GALNT9: variants seen among roughly 807,000 people sequenced by gnomAD.
The protein encoded by GALNT9 is GalNAc transferase 9.
In GALNT9, 47 loss-of-function variants were observed where a neutral mutation model predicts 63.1. That is an observed-to-expected ratio of 0.75 (90% confidence interval 0.59 to 0.95). GALNT9 has a LOEUF of 0.95. GALNT9 is among the 40% of genes least tolerant of loss of function. GALNT9 has a pLI of 0.00. For synonymous variants in GALNT9, 396 were observed against 365.7 expected (o/e 1.08, Z -0.94); for missense variants, 829 against 874.8 (o/e 0.95, Z 0.66).
Position 132,260,954 on chromosome 12 carries a change from G to T in GALNT9, c.755C>A (p.Thr252Lys). 1 of 1,543,288 alleles carries T rather than the reference G, an allele frequency of 6.5e-7. No homozygotes were observed. The highest frequency in any genetic ancestry group is 8.7e-7 in the Non-Finnish European group (1 of 1,144,318). The change falls in exon 4 of 11, where the codon ACG becomes AAG. Residue 252 changes from threonine to lysine, a missense_variant. By Grantham distance (78) the Thr-to-Lys change is moderately conservative. Transcript: ENST00000328957. ...AGCCTGTTCCGGCCCTTACCAGCCCGTGTTGAACTCGACGTGGGCATCAAA... is the reference window on the plus strand; with the variant it reads ...AGCCTGTTCCGGCCCTTACCAGCCCTTGTTGAACTCGACGTGGGCATCAAA... Reference protein sequence around the residue: ...GFFDAHVEFNTGWAEPALSRI... With the variant: ...GFFDAHVEFNKGWAEPALSRI...
At chr12:132,210,232 G>A (rs933037297) in intron 6 of GALNT9, among the ~76,000 whole-genome samples, 10 of 152,252 alleles carry the variant, frequency 6.6e-5, no homozygotes, top group Middle Eastern at 3.2e-3. Context: ...CCTGCTGCGC[G>A]TGGGCGTTGG....
chr12:132,246,638 T>G lies in GALNT9; in HGVS notation c.1077+1272A>C, dbSNP rs1878715388. Among the ~76,000 whole-genome samples the G allele has an allele frequency of 6.6e-6, 1 of 152,238 alleles. No homozygotes were observed. Among genetic ancestry groups the G allele is most frequent in the African/African-American group, 2.4e-5 (1 of 41,464 alleles). ...ATTTCCGCCTCCTGGGTTCAAGTGA[T>G]TCTCCTGCCTCAGCCTCCTGAGTAG... On this transcript the variant is annotated intron_variant, in intron 6 of 10. Coordinates refer to ENST00000328957, the MANE Select transcript of GALNT9 (RefSeq NM_001122636.2). The surrounding 1 kb of genome is among the most constrained non-coding windows in gnomAD (Gnocchi z 4.7).
intron 1 of GALNT9, among the ~76,000 whole-genome samples, chr12:132,291,981 A>G (rs61943951): frequency 0.3 from 45,155 of 151,844 alleles, 7,824 homozygotes; most frequent in African/African-American, 0.5. Context: ...ATCCTCACTC[A>G]CAGTATGCCA....
At chr12:132,240,509 C>T (rs1463128841) in intron 6 of GALNT9, 2 of 424,114 alleles carry the variant, frequency 4.7e-6, no homozygotes, top group African/African-American at 4.2e-5. Context: ...GCACTCACTC[C>T]AGTCGCTGGC....
intron 1 of GALNT9, among the ~76,000 whole-genome samples, chr12:132,323,663 G>A (rs74963571): frequency 6.6e-6 from 1 of 152,224 alleles, no homozygotes; most frequent in Non-Finnish European, 1.5e-5. Context: ...CCCAGCGGAC[G>A]TCAGAAAACC....
chr12:132,249,921 C>T (rs1878844357), intron 5 of GALNT9, among the ~76,000 whole-genome samples: 1 of 152,202 alleles, frequency 6.6e-6, no homozygotes, highest in African/African-American at 2.4e-5. Context: ...AGGGTGGAGG[C>T]CCCAGGTCCT....
At chr12:132,248,180 G>A (rs1245259034) in intron 5 of GALNT9, among the ~76,000 whole-genome samples, 153 bp from the exon 6 acceptor site, 1 of 152,212 alleles carries the variant, frequency 6.6e-6, no homozygotes, top group African/African-American at 2.4e-5. Flanking sequence ...AAGGTGAGGG[G>A]CCGCTGCTCC....
chr12:132,328,831 C>T, intron 1 of GALNT9, 135 bp downstream of exon 1: 1 of 1,127,256 alleles, frequency 8.9e-7, no homozygotes, highest in Non-Finnish European at 1.2e-6. Flanking sequence ...GCCCTTCCCT[C>T]TCCTCTCTCC....
intron 1 of GALNT9, among the ~76,000 whole-genome samples, chr12:132,299,318 C>T (rs1426494430): frequency 7.1e-6 from 1 of 141,632 alleles, no homozygotes; most frequent in Non-Finnish European, 1.5e-5. Context: ...CTAACCCATC[C>T]CTGAGATAAC....
At chr12:132,199,100 C>T in intron 9 of GALNT9, 74 bp downstream of exon 9, 1 of 991,548 alleles carries the variant, frequency 1.0e-6, no homozygotes, top group Non-Finnish European at 1.6e-6. Flanking sequence ...CGTGCCTCTG[C>T]CCCAGGGTGT....
intron 1 of GALNT9, among the ~76,000 whole-genome samples, chr12:132,313,801 CCCATCCACCCATCCACCCACCCAG>C (rs1487942594): frequency 8.5e-6 from 1 of 117,204 alleles, no homozygotes; most frequent in Non-Finnish European, 1.7e-5. Flanking sequence ...CATCCACCCA[CCCATCCACCCATCCACCCACCCAG>C]CCACCCACCC....
chr12:132,209,289 G>A (rs1337281246), intron 6 of GALNT9, among the ~76,000 whole-genome samples: 1 of 152,140 alleles, frequency 6.6e-6, no homozygotes, highest in Non-Finnish European at 1.5e-5. Context: ...CAGTTTGGGA[G>A]GCTGAGGTGG....
At chr12:132,287,436 G>A (rs1555242320) in intron 1 of GALNT9, among the ~76,000 whole-genome samples, 1 of 152,210 alleles carries the variant, frequency 6.6e-6, no homozygotes, top group Non-Finnish European at 1.5e-5. Flanking sequence ...ATCCGCCTGT[G>A]TAACTTGAGC....
intron 5 of GALNT9, among the ~76,000 whole-genome samples, chr12:132,255,614 A>G (rs187589308): frequency 5.3e-5 from 8 of 152,338 alleles, no homozygotes; most frequent in Admixed American, 2.6e-4. Flanking sequence ...TCTTTAGATA[A>G]TAACTTAACT....
At chr12:132,260,442 C>T (rs1879332367) in intron 4 of GALNT9, among the ~76,000 whole-genome samples, 1 of 152,214 alleles carries the variant, frequency 6.6e-6, no homozygotes, top group South Asian at 2.1e-4. Context: ...ACCCCCTCAG[C>T]CCAGAAGCTC....
intron 1 of GALNT9, among the ~76,000 whole-genome samples, chr12:132,320,921 G>T (rs185546457): frequency 1.3e-5 from 2 of 152,316 alleles, no homozygotes; most frequent in East Asian, 3.9e-4. Flanking sequence ...TGCAGGGGTC[G>T]TGTGACCGGC....
rs544101030 is a variant in GALNT9, at chr12:132,245,396, C to G, written c.1077+2514G>C. Among the ~76,000 whole-genome samples, 1 of 152,074 alleles carries G rather than the reference C, an allele frequency of 6.6e-6. No individual in the cohort carries two copies. The highest frequency in any genetic ancestry group is 1.5e-5 in the Non-Finnish European group (1 of 68,006). On this transcript the variant is annotated intron_variant, in intron 6 of 10. Coordinates refer to ENST00000328957, the MANE Select transcript of GALNT9 (RefSeq NM_001122636.2). The surrounding 1 kb of genome is among the most constrained non-coding windows in gnomAD (Gnocchi z 6.3). ...GGTGGAGGTTGCAGTGAGCAGAGAT[C>G]GTGCCACTGCACTCCAGCCTGGGCA...
rs1878103520 is a variant in GALNT9 at position 132,238,997 on chromosome 12, C to T, written c.1077+8913G>A. ...CTGGAAGGCTTTGTCGTCTGATGGC[C>T]GCTCGAAAGGTGAGACTGTTCAGCA... On this transcript the variant is annotated intron_variant, in intron 6 of 10. Coordinates refer to ENST00000328957, the MANE Select transcript of GALNT9 (RefSeq NM_001122636.2). This position sits in a 1 kb window ranked among gnomAD's most constrained non-coding sequence, Gnocchi z 6.5. Among the ~76,000 whole-genome samples the T allele has an allele frequency of 6.6e-6, 1 of 152,114 alleles. No homozygotes were observed. Among genetic ancestry groups the T allele is most frequent in the Non-Finnish European group, 1.5e-5 (1 of 68,030 alleles).
chr12:132,250,159 C>T (rs949519110), intron 5 of GALNT9, among the ~76,000 whole-genome samples: 1 of 152,168 alleles, frequency 6.6e-6, no homozygotes, highest in South Asian at 2.1e-4. Flanking sequence ...ACCCTGGAAA[C>T]GTGGCACCGA....
Sources: allele counts gnomAD v4.1 joint callset (sites outside exome capture counted in the v4.1 genomes callset), GRCh38; gene constraint gnomAD v4.1.1; non-coding constraint Gnocchi (gnomAD v3.1); transcripts MANE v1.5; gene names NCBI Gene and HGNC (gene_info 2026-07-23, HGNC 2026-07-21).